The following KHDRBS2 variants were observed in gnomAD, a reference collection of about 807,000 sequenced individuals.
KHDRBS2 encodes the protein KH RNA binding domain containing, signal transduction associated 2.
In KHDRBS2, 26 loss-of-function variants were observed where a neutral mutation model predicts 44.3. The ratio of observed to expected loss-of-function variants is 0.59; its 90% CI spans 0.43 to 0.81. The LOEUF is 0.81. Ranked by LOEUF, KHDRBS2 falls within the 40% of genes least tolerant of loss-of-function variation. KHDRBS2 has a pLI of 0.00. For synonymous variants in KHDRBS2, 194 were observed against 151.1 expected, an observed-to-expected ratio of 1.28 and a Z score of -2.08; for missense variants, 476 against 433.1, an observed-to-expected ratio of 1.10 and a Z score of -0.88.
chr6:62,259,989 C>T (rs1838065558), intron 1 of KHDRBS2, among the ~76,000 whole-genome samples: 1 of 151,852 alleles, frequency 6.6e-6, no homozygotes, highest in East Asian at 1.9e-4. Flanking sequence ...GTAGGTGTGG[C>T]TATATGACGA....
chr6:61,771,800 T>C (rs901845761), intron 6 of KHDRBS2, among the ~76,000 whole-genome samples: 13 of 152,184 alleles, frequency 8.5e-5, no homozygotes, highest in Admixed American at 4.6e-4. Context: ...TTAACAAGGA[T>C]AACCAGGAAT....
intron 4 of KHDRBS2, among the ~76,000 whole-genome samples, chr6:61,908,241 T>C (rs759272788): frequency 1.3e-5 from 2 of 152,020 alleles, no homozygotes; most frequent in Admixed American, 1.3e-4. Context: ...CCTAAGTATG[T>C]GAATAAGGAC....
chr6:61,842,777 T>C (rs72880669), intron 6 of KHDRBS2, among the ~76,000 whole-genome samples: 1 of 152,248 alleles, frequency 6.6e-6, no homozygotes, highest in Non-Finnish European at 1.5e-5. Context: ...CAAATGTTCA[T>C]AACAGCATTA....
intron 3 of KHDRBS2, among the ~76,000 whole-genome samples, chr6:62,023,210 A>AGGAGG (rs1270306853): frequency 1.3e-5 from 2 of 151,744 alleles, no homozygotes; most frequent in Non-Finnish European, 3.0e-5. Flanking sequence ...GCTTATTAAA[A>AGGAGG]TGTGTGTCAG....
At chr6:61,749,009 C>CTTTTTTTTT (rs34423906) in intron 6 of KHDRBS2, among the ~76,000 whole-genome samples, 63 of 97,218 alleles carry the variant, frequency 6.5e-4, no homozygotes, top group African/African-American at 8.2e-4. Flanking sequence ...TTCTTTCTTT[C>CTTTTTTTTT]TTTTTTTTTT....
intron 6 of KHDRBS2, among the ~76,000 whole-genome samples, chr6:61,757,820 C>G (rs1371162170): frequency 6.6e-6 from 1 of 152,066 alleles, no homozygotes; most frequent in Non-Finnish European, 1.5e-5. Context: ...TTAGTAAGAT[C>G]TTTTTATATA....
At chr6:61,838,672 C>T (rs1213060779) in intron 6 of KHDRBS2, among the ~76,000 whole-genome samples, 1 of 151,956 alleles carries the variant, frequency 6.6e-6, no homozygotes. Flanking sequence ...TAAATATAAA[C>T]ATACCTGAAT....
intron 6 of KHDRBS2, chr6:61,814,056 C>T: frequency 2.2e-6 from 1 of 455,822 alleles, no homozygotes. Context: ...CATATTTATT[C>T]ATTTATTTAT....
intron 3 of KHDRBS2, among the ~76,000 whole-genome samples, chr6:62,036,468 A>C (rs1785306251): frequency 6.6e-6 from 1 of 152,018 alleles, no homozygotes; most frequent in Non-Finnish European, 1.5e-5. Flanking sequence ...CTTACAAAAT[A>C]ATCTGTACAC....
At chr6:61,603,923 T>G in the KHDRBS2 span, among the ~76,000 whole-genome samples, 2 of 152,126 alleles carry the variant, frequency 1.3e-5, no homozygotes, top group Non-Finnish European at 2.9e-5. Flanking sequence ...CTGATCACAT[T>G]TGGTTTATTG....
At chr6:61,643,073 C>A in the KHDRBS2 span, among the ~76,000 whole-genome samples, 4 of 152,134 alleles carry the variant, frequency 2.6e-5, no homozygotes, top group East Asian at 7.7e-4. Flanking sequence ...TGCATGTATA[C>A]ATATATATTC....
At chr6:61,738,796 T>A (rs1775756514) in intron 6 of KHDRBS2, among the ~76,000 whole-genome samples, 1 of 151,942 alleles carries the variant, frequency 6.6e-6, no homozygotes, top group Admixed American at 6.6e-5. Flanking sequence ...ACGCTTATTA[T>A]TGAACTATGA....
intron 2 of KHDRBS2, among the ~76,000 whole-genome samples, chr6:62,104,512 A>C (rs1449504695): frequency 6.6e-6 from 1 of 152,230 alleles, no homozygotes; most frequent in African/African-American, 2.4e-5. Flanking sequence ...ATTATTCCCA[A>C]ATACTTGAAA....
chr6:61,881,082 T>C (rs1467044015), intron 6 of KHDRBS2, among the ~76,000 whole-genome samples: 1 of 151,882 alleles, frequency 6.6e-6, no homozygotes. Context: ...CGTGGGTATA[T>C]GTACTTGACA....
intron 2 of KHDRBS2, among the ~76,000 whole-genome samples, chr6:62,114,274 C>A (rs1432151892): frequency 2.0e-5 from 3 of 152,038 alleles, no homozygotes; most frequent in Non-Finnish European, 4.4e-5. Context: ...GCTTCAGTAA[C>A]AAAATCCAGT....
Position 62,224,471 on chromosome 6 carries a change from T to C in KHDRBS2, c.92-47159A>G, listed in dbSNP as rs189410160. Among the ~76,000 whole-genome samples the C allele has an allele frequency of 1.3e-3, 191 of 152,298 alleles. 1 individual carries two copies. The highest frequency in any genetic ancestry group is 4.4e-3 in the African/African-American group (181 of 41,558). On this transcript the variant is annotated intron_variant, in intron 1 of 8. Coordinates refer to ENST00000281156, the MANE Select transcript of KHDRBS2 (RefSeq NM_152688.4). ...CGACTCCCTAAACACAACTCTTTCATCTGGTATTAAGATGAACAAATGGCT... is the reference window on the plus strand; with the variant it reads ...CGACTCCCTAAACACAACTCTTTCACCTGGTATTAAGATGAACAAATGGCT...
chr6:61,724,076 G>A (rs1027427846), intron 7 of KHDRBS2, among the ~76,000 whole-genome samples: 1 of 152,102 alleles, frequency 6.6e-6, no homozygotes, highest in Non-Finnish European at 1.5e-5. Flanking sequence ...GAAAGACCAG[G>A]TCACCTGCAA....
At chr6:62,009,876 G>T (rs568085023) in intron 3 of KHDRBS2, among the ~76,000 whole-genome samples, 8 of 152,338 alleles carry the variant, frequency 5.3e-5, no homozygotes, top group African/African-American at 1.7e-4. Flanking sequence ...GGAGTTTGCT[G>T]TAGGGGCAGG....
intron 2 of KHDRBS2, among the ~76,000 whole-genome samples, chr6:62,140,435 G>A (rs531743069): frequency 2.7e-4 from 41 of 152,230 alleles, no homozygotes; most frequent in African/African-American, 8.9e-4. Flanking sequence ...GGGACAGTCG[G>A]GAGACTTTTG....
Sources: gnomAD v4.1 joint callset for allele counts (sites outside exome capture counted in the v4.1 genomes callset) on GRCh38, gnomAD v4.1.1 for gene constraint, MANE v1.5 for transcripts, NCBI Gene and HGNC (gene_info 2026-07-23, HGNC 2026-07-21) for gene names.